The following KHDRBS2 variants were observed in gnomAD, a reference collection of about 807,000 sequenced individuals.
KHDRBS2 encodes the protein KH domain-containing, RNA-binding, signal transduction-associated protein 2.
KHDRBS2 carries 26 observed loss-of-function variants against 44.3 expected under a neutral mutation model. The observed-to-expected ratio is 0.59, with a 90% CI of 0.43 to 0.81. The LOEUF is 0.81. KHDRBS2 is among the 40% of genes least tolerant of loss of function. KHDRBS2 has a pLI of 0.00. For missense variants in KHDRBS2, 476 were observed against 433.1 expected, an observed-to-expected ratio of 1.10 and a Z score of -0.88; for synonymous variants, 194 against 151.1, an observed-to-expected ratio of 1.28 and a Z score of -2.08.
chr6:62,094,004 T>C lies in KHDRBS2; in HGVS notation c.220-46010A>G, dbSNP rs185463505. 3.9e-5 allele frequency among the ~76,000 whole-genome samples: 6 copies of C among 151,958 alleles called. No individual in the cohort carries two copies. The East Asian group carries it at 1.2e-3, about 29-fold the overall frequency. On this transcript the variant is annotated intron_variant, in intron 2 of 8. Transcript: ENST00000281156. ...AATAAACATGAGAGTGCAGATATCT[T>C]TTTGACATACGGATTTTATTTCTTT...
At chr6:61,992,992 C>G (rs1776421624) in intron 3 of KHDRBS2, among the ~76,000 whole-genome samples, 2 of 152,158 alleles carry the variant, frequency 1.3e-5, no homozygotes, top group African/African-American at 4.8e-5. Flanking sequence ...CCTTCTGTAA[C>G]TAAGCTTCAA....
At position 62,065,421 on chromosome 6, in the gene KHDRBS2, G is replaced by A. The variant is rs527892406; in HGVS notation, c.220-17427C>T. ...ATGATAGACTGGATTAAGAAAATGT[G>A]GTACATATACACCATGGAATACTAT... On this transcript the variant is annotated intron_variant, in intron 2 of 8. Coordinates refer to ENST00000281156, the MANE Select transcript of KHDRBS2 (RefSeq NM_152688.4). Among the ~76,000 whole-genome samples the A allele has an allele frequency of 2.0e-5, 3 of 149,754 alleles. No homozygotes were observed. In the Admixed American group the frequency reaches 2.0e-4, roughly 10 times the overall value.
At chr6:61,787,818 A>T (rs1172574698) in intron 6 of KHDRBS2, among the ~76,000 whole-genome samples, 1 of 151,632 alleles carries the variant, frequency 6.6e-6, no homozygotes, top group Non-Finnish European at 1.5e-5. Context: ...ATGAGTTTTT[A>T]TAAGCAGACT....
intron 1 of KHDRBS2, among the ~76,000 whole-genome samples, chr6:62,192,346 C>T (rs1824801256): frequency 6.6e-6 from 1 of 151,880 alleles, no homozygotes; most frequent in Non-Finnish European, 1.5e-5. Context: ...TTACTGTTGC[C>T]AAAGATATCT....
intron 2 of KHDRBS2, among the ~76,000 whole-genome samples, chr6:62,158,419 G>C (rs1816917993): frequency 6.6e-6 from 1 of 152,144 alleles, no homozygotes; most frequent in African/African-American, 2.4e-5. Context: ...CAGTTAAGAT[G>C]AAGGTGTTTA....
chr6:61,969,761 G>A (rs1770928281), intron 4 of KHDRBS2, among the ~76,000 whole-genome samples: 1 of 152,010 alleles, frequency 6.6e-6, no homozygotes, highest in South Asian at 2.1e-4. Context: ...ATGGATAACA[G>A]ACAAGACCAG....
chr6:62,244,177 T>A (rs1361637989), intron 1 of KHDRBS2, among the ~76,000 whole-genome samples: 1 of 152,176 alleles, frequency 6.6e-6, no homozygotes. Context: ...GTGAAACTAT[T>A]ATATTTTTGC....
At chr6:62,014,050 C>T (rs1780766881) in intron 3 of KHDRBS2, among the ~76,000 whole-genome samples, 1 of 152,080 alleles carries the variant, frequency 6.6e-6, no homozygotes. Context: ...TGGATTGTTG[C>T]AGAGAGTATG....
chr6:62,188,204 T>C (rs761800757), intron 1 of KHDRBS2, among the ~76,000 whole-genome samples: 5 of 152,044 alleles, frequency 3.3e-5, no homozygotes, highest in Non-Finnish European at 7.4e-5. Context: ...TTCTATTTCA[T>C]CATGAGATTT....
chr6:61,769,496 G>A (rs1453081334), intron 6 of KHDRBS2, among the ~76,000 whole-genome samples: 8 of 152,148 alleles, frequency 5.3e-5, no homozygotes, highest in Non-Finnish European at 8.8e-5. Context: ...CTTAAAAAAC[G>A]GCACACCAGG....
chr6:62,235,076 T>A (rs999680911), intron 1 of KHDRBS2, among the ~76,000 whole-genome samples: 1 of 149,812 alleles, frequency 6.7e-6, no homozygotes, highest in African/African-American at 2.5e-5. Flanking sequence ...TAGGCTTTTT[T>A]TTTTTTTTTT....
chr6:61,771,707 A>T (rs937210095), intron 6 of KHDRBS2, among the ~76,000 whole-genome samples: 3 of 152,188 alleles, frequency 2.0e-5, no homozygotes, highest in African/African-American at 7.2e-5. Flanking sequence ...GTGACCTACA[A>T]AGAGACTTAG....
chr6:61,677,437 A>G (rs1193516075), downstream of KHDRBS2, among the ~76,000 whole-genome samples: 1 of 151,934 alleles, frequency 6.6e-6, no homozygotes, highest in Admixed American at 6.6e-5. Context: ...TTGATGTGCA[A>G]TCTTGCAGAG....
the KHDRBS2 span, among the ~76,000 whole-genome samples, chr6:61,644,246 G>A: frequency 1.3e-5 from 2 of 152,152 alleles, no homozygotes; most frequent in African/African-American, 4.8e-5. Flanking sequence ...TAACTGGCTA[G>A]CCTTATGCAG....
intron 3 of KHDRBS2, among the ~76,000 whole-genome samples, chr6:62,037,468 G>GA (rs200617280): frequency 3.3e-4 from 49 of 146,950 alleles, no homozygotes; most frequent in African/African-American, 1.0e-3. Flanking sequence ...ATTTTTAGGC[G>GA]AAAAAAAAAG....
In KHDRBS2 at chr6:61,871,297, A is replaced by C. The variant is rs1798622088; in HGVS notation, c.810+23338T>G. 2.0e-5 allele frequency among the ~76,000 whole-genome samples: 3 copies of C among 152,200 alleles called. No homozygotes were observed. In the South Asian group the frequency reaches 6.2e-4, roughly 32 times the overall value. ...ACTTAATAAAATAAAGCGTGAAGACAAGATTAGAGAAAAAACAATGAAAAG... is the reference window on the plus strand; with the variant it reads ...ACTTAATAAAATAAAGCGTGAAGACCAGATTAGAGAAAAAACAATGAAAAG... On this transcript the variant is annotated intron_variant, in intron 6 of 8. Coordinates refer to ENST00000281156, the MANE Select transcript of KHDRBS2 (RefSeq NM_152688.4).
chr6:61,621,777 G>T, the KHDRBS2 span, among the ~76,000 whole-genome samples: 6 of 152,090 alleles, frequency 3.9e-5, 1 homozygote, highest in Admixed American at 1.3e-4. Flanking sequence ...TACTCCTGTG[G>T]GTATGTTTCA....
chr6:62,131,864 T>C (rs1214874920), intron 2 of KHDRBS2, among the ~76,000 whole-genome samples: 1 of 152,172 alleles, frequency 6.6e-6, no homozygotes, highest in Admixed American at 6.5e-5. Context: ...CAATGAATGG[T>C]TTATACTTTT....
chr6:61,673,198 T>C, the KHDRBS2 span, among the ~76,000 whole-genome samples: 2 of 152,072 alleles, frequency 1.3e-5, no homozygotes, highest in African/African-American at 4.8e-5. Context: ...TCTGTTCTAT[T>C]GATCTATATC....
Sources: allele counts gnomAD v4.1 joint callset (sites outside exome capture counted in the v4.1 genomes callset), GRCh38; gene constraint gnomAD v4.1.1; transcripts MANE v1.5; gene names NCBI Gene and HGNC (gene_info 2026-07-23, HGNC 2026-07-21).